Variants in DNAJC14 observed in about 807,000 individuals in gnomAD.
DNAJC14 encodes the protein DnaJ heat shock protein family (Hsp40) member C14, also known as dnaJ homolog subfamily C member 14.
In DNAJC14, 12 loss-of-function variants were observed where a neutral mutation model predicts 68.8. That is an observed-to-expected ratio of 0.17 (90% CI 0.11 to 0.28). The LOEUF is 0.28. Among genes scored for constraint, DNAJC14 ranks in the 10% least tolerant of loss-of-function variants. DNAJC14 has a pLI of 1.00. For missense variants in DNAJC14, 764 were observed against 875.6 expected, an observed-to-expected ratio of 0.87 and a Z score of 1.61; for synonymous variants, 350 against 321.5, an observed-to-expected ratio of 1.09 and a Z score of -0.95.
chr12:55,829,567 T>G lies in DNAJC14; in HGVS notation c.-135A>C. The G allele has an allele frequency of 1.0e-6, 1 of 984,648 alleles. No individual in the cohort carries two copies. The allele number at this position is 984,648 out of a possible 1,614,324, so 61.0% of individuals were successfully genotyped here. A position where few individuals can be genotyped will look rare whatever the true frequency, so the allele number is the denominator to read the frequency against. On this transcript the variant is annotated 5_prime_UTR_variant, in exon 1 of 7. Transcript: ENST00000678005. ...GAGCTACGAGAGCCGCTCTCCCGGC[T>G]CCGCCTCCCGCTCACGCTCTGCTTC...
In DNAJC14 at chr12:55,828,205, T is replaced by C; in HGVS notation, c.454A>G (p.Asn152Asp). 6.2e-7 allele frequency: 1 copy of C among 1,611,344 alleles called. No homozygotes were observed. Among genetic ancestry groups the C allele is most frequent in the East Asian group, 2.2e-5 (1 of 44,850 alleles). The change falls in exon 2 of 7, where the codon AAC (asparagine) becomes GAC (aspartate). Residue 152 changes from asparagine (N) to aspartate (D), a missense_variant. Physicochemically the swap from Asn to Asp is conservative, Grantham distance 23. Around this residue, in one of 4 missense-constraint regions of DNAJC14, gnomAD observed 514 missense variants for 521.7 expected, o/e 0.99. Coordinates refer to ENST00000678005, the MANE Select transcript of DNAJC14 (RefSeq NM_032364.6). ...YSEGGNGSSS[N>D]FCHHCTSPAL... is the part of the protein sequence containing the mutation. ...GGAGAGGTACAGTGGTGGCAAAAGT[T>C]GCTAGAAGAACCATTTCCTCCCTCA...
rs532026248 is a variant in DNAJC14, at chr12:55,827,342, C to T, written c.1317G>A (p.Glu439=). The T allele has an allele frequency of 1.9e-6, 3 of 1,613,184 alleles. No homozygotes were observed. Among genetic ancestry groups the T allele is most frequent in the African/African-American group, 2.7e-5 (2 of 74,960 alleles). The change falls in exon 2 of 7, where the codon GAG becomes GAA. Residue 439 remains glutamate, a synonymous_variant. Coordinates refer to ENST00000678005, the MANE Select transcript of DNAJC14 (RefSeq NM_032364.6). ...GTACATGGAAAGGGTTTAGCTCATC[C>T]TCAGGAACCCCAGCCATGGTCAAGA... is the stretch of plus-strand genomic sequence containing the variant. The part of the protein sequence containing the change: ...ARLLTMAGVP[E]DELNPFHVLG...
Position 55,828,391 on chromosome 12 carries a change from G to C in DNAJC14, c.268C>G (p.Pro90Ala). 6.2e-7 allele frequency: 1 copy of C among 1,614,042 alleles called. No individual in the cohort carries two copies. Among genetic ancestry groups the C allele is most frequent in the Non-Finnish European group, 8.5e-7 (1 of 1,179,996 alleles). Residue 90 changes from proline to alanine, a missense_variant, in exon 2 of 7, where the codon CCT becomes GCT. Physicochemically the swap from Pro to Ala is conservative, Grantham distance 27. Around this residue, in one of 4 missense-constraint regions of DNAJC14, gnomAD observed 514 missense variants for 521.7 expected, o/e 0.99. Transcript: ENST00000678005. Reference protein sequence around the residue: ...GPGPPRDAEDPDQSETSSEEE... With the variant: ...GPGPPRDAEDADQSETSSEEE... ...TCTGAAGACGTCTCACTCTGATCAG[G>C]GTCCTCTGCATCTCTAGGTGGTCCT... is the stretch of plus-strand genomic sequence containing the variant.
intron 1 of DNAJC14, chr12:55,829,020 G>A: frequency 1.2e-6 from 1 of 855,080 alleles, no homozygotes; most frequent in Non-Finnish European, 1.4e-6. Flanking sequence ...AGGAAAATGG[G>A]AAAGACCGCC....
rs371856651 is a variant in DNAJC14 at position 55,823,160 on chromosome 12, C to T, written c.1544G>A (p.Arg515Gln). Residue 515 changes from arginine (R) to glutamine (Q), a missense_variant, in exon 4 of 7, where the codon CGG becomes CAG. By Grantham distance (43) the Arg-to-Gln change is conservative (BLOSUM62 1). Around this residue, in one of 4 missense-constraint regions of DNAJC14, gnomAD observed 110 missense variants for 162.7 expected, o/e 0.68. Coordinates refer to ENST00000678005, the MANE Select transcript of DNAJC14 (RefSeq NM_032364.6). ...MKRMAENELS[R>Q]SVNEFLSKLQ... ...CTTGGACAGAAACTCATTTACTGAC[C>T]GGCTCAGCTCATTCTCTGCCATTCG... 1.2e-5 allele frequency: 19 copies of T among 1,613,974 alleles called. No homozygotes were observed. Among genetic ancestry groups the T allele is most frequent in the African/African-American group, 8.0e-5 (6 of 74,900 alleles).
Position 55,822,180 on chromosome 12 carries a change from G to T in DNAJC14, c.1906C>A (p.Pro636Thr). Residue 636 changes from proline (P) to threonine (T), a missense_variant, in exon 7 of 7, where the codon CCA (proline) becomes ACA (threonine). Transcript: ENST00000678005. ...PGTRGRQRAT[P>T]DAPPADLQDF... is the part of the protein sequence containing the mutation. ...TGAAGATCAGCAGGAGGGGCATCTG[G>T]GGTGGCTCTGAGGTAAAACAGAAGA... is the stretch of plus-strand genomic sequence containing the variant. 1 of 1,593,058 alleles carries T rather than the reference G, an allele frequency of 6.3e-7. No individual in the cohort carries two copies. The highest frequency in any genetic ancestry group is 8.5e-7 in the Non-Finnish European group (1 of 1,169,892).
chr12:55,822,592 C>G lies in DNAJC14; in HGVS notation c.1775G>C (p.Gly592Ala), dbSNP rs1322995492. Reference sequence around the variant, plus strand: ...AGTACCTGTGATGTCATACACCTTTCCATCCATCAGTGCAAAGTAGGTGAT... The same window carrying G: ...AGTACCTGTGATGTCATACACCTTTGCATCCATCAGTGCAAAGTAGGTGAT... Reference protein sequence around the residue: ...LKITYFALMDGKVYDITEWAG... With the variant: ...LKITYFALMDAKVYDITEWAG... Residue 592 changes from glycine to alanine, a missense_variant, in exon 5 of 7, where the codon GGA becomes GCA. By Grantham distance (60) the Gly-to-Ala change is moderately conservative. Coordinates refer to ENST00000678005, the MANE Select transcript of DNAJC14 (RefSeq NM_032364.6). 6.2e-7 allele frequency: 1 copy of G among 1,614,226 alleles called. No homozygotes were observed. The highest frequency in any genetic ancestry group is 1.1e-5 in the South Asian group (1 of 91,084).
upstream of DNAJC14, chr12:55,829,683 T>C: frequency 1.1e-6 from 1 of 911,670 alleles, no homozygotes; most frequent in Non-Finnish European, 1.3e-6. Context: ...GAAATAGCGG[T>C]TGGCTGAGAG....
chr12:55,822,887 G>A (rs1316050488), intron 4 of DNAJC14, among the ~76,000 whole-genome samples, 155 bp from the exon 5 acceptor site: 2 of 152,118 alleles, frequency 1.3e-5, no homozygotes, highest in African/African-American at 4.8e-5. Context: ...TAAAGCTAAT[G>A]TTTCTTAGTG....
intron 6 of DNAJC14, 91 bp downstream of exon 6, chr12:55,822,282 C>A: frequency 6.5e-7 from 1 of 1,535,020 alleles, no homozygotes; most frequent in Non-Finnish European, 8.8e-7. Context: ...TCCTAGAAAA[C>A]AAGGCCCCTG....
Position 55,827,729 on chromosome 12 carries a change from G to C in DNAJC14, c.930C>G (p.Ser310Arg). The C allele has an allele frequency of 6.2e-7, 1 of 1,614,108 alleles. No individual in the cohort carries two copies. Among genetic ancestry groups the C allele is most frequent in the Non-Finnish European group, 8.5e-7 (1 of 1,180,006 alleles). Residue 310 changes from serine to arginine, a missense_variant, in exon 2 of 7, where the codon AGC becomes AGG. By Grantham distance (110) the Ser-to-Arg change is moderately radical (BLOSUM62 -1). Coordinates refer to ENST00000678005, the MANE Select transcript of DNAJC14 (RefSeq NM_032364.6). ...GWAQVMFQFL[S>R]QGFYCGVGLF... ...GTCCTACTCCACAGTAAAACCCCTG[G>C]CTTAGAAACTGAAACATGACCTGGG... is the stretch of plus-strand genomic sequence containing the variant.
Position 55,828,248 on chromosome 12 carries a change from A to C in DNAJC14, c.411T>G (p.Ile137Met), listed in dbSNP as rs1880858698. 1 of 1,607,014 alleles carries C rather than the reference A, an allele frequency of 6.2e-7. No homozygotes were observed. The highest frequency in any genetic ancestry group is 8.5e-7 in the Non-Finnish European group (1 of 1,176,692). ...SACNCQGTPGIPEGPYSEGGN... is the reference protein window; with the variant it reads ...SACNCQGTPGMPEGPYSEGGN... ...CTCCCTCAGAGTAAGGCCCTTCTGG[A>C]ATTCCAGGTGTTCCCTGGCAGTTGC... Residue 137 changes from isoleucine to methionine, a missense_variant, in exon 2 of 7, where the codon ATT (isoleucine) becomes ATG (methionine). Physicochemically the swap from Ile to Met is conservative, Grantham distance 10. Coordinates refer to ENST00000678005, the MANE Select transcript of DNAJC14 (RefSeq NM_032364.6).
rs1880693890 is a variant in DNAJC14 at position 55,822,455 on chromosome 12, C to T, written c.1816G>A (p.Val606Ile). 6.2e-6 allele frequency: 10 copies of T among 1,614,012 alleles called. No homozygotes were observed. Among genetic ancestry groups the T allele is most frequent in the Non-Finnish European group, 7.6e-6 (9 of 1,180,030 alleles). Residue 606 changes from valine (V) to isoleucine (I), a missense_variant, in exon 6 of 7, where the codon GTA becomes ATA. Val to Ile is a conservative substitution (Grantham distance 29, BLOSUM62 3). Around this residue, in one of 4 missense-constraint regions of DNAJC14, gnomAD observed 134 missense variants for 162.3 expected, o/e 0.83. Transcript: ENST00000678005. The part of the protein sequence containing the change: ...DITEWAGCQR[V>I]GISPDTHRVP... The stretch of plus-strand genomic sequence containing the variant: ...CTGTGGGTATCTGGGGAGATACCTA[C>T]ACGCTGGCATCCAGCCCACTCTATA...
Position 55,828,003 on chromosome 12 carries a change from C to G in DNAJC14, c.656G>C (p.Gly219Ala). ...TCGTTTCCGACCCAGCCGATGTCGA[C>G]CAGGGGACCTGGGATCCCTACGTCC... The part of the protein sequence containing the change: ...EGGRRDPRSP[G>A]RHRLGRKRSQ... Residue 219 changes from glycine to alanine, a missense_variant, in exon 2 of 7, where the codon GGT (glycine) becomes GCT (alanine). Gly to Ala is a moderately conservative substitution (Grantham distance 60). Coordinates refer to ENST00000678005, the MANE Select transcript of DNAJC14 (RefSeq NM_032364.6). 6.2e-7 allele frequency: 1 copy of G among 1,613,504 alleles called. No homozygotes were observed. Among genetic ancestry groups the G allele is most frequent in the Middle Eastern group, 1.6e-4 (1 of 6,062 alleles).
chr12:55,829,537 A>T lies in DNAJC14; in HGVS notation c.-105T>A. The T allele has an allele frequency of 1.0e-6, 1 of 983,976 alleles. No homozygotes were observed. Among genetic ancestry groups the T allele is most frequent in the Non-Finnish European group, 1.2e-6 (1 of 829,782 alleles). 61.0% of individuals were successfully genotyped at this position (983,976 alleles called of 1,614,324 possible). A position where few individuals can be genotyped will look rare whatever the true frequency, so the allele number is the denominator to read the frequency against. On this transcript the variant is annotated 5_prime_UTR_variant, in exon 1 of 7. Transcript: ENST00000678005. Reference sequence around the variant, plus strand: ...CCCTCGAGCCGCCCGGCCTGGGGCCAGGGTGAGCTACGAGAGCCGCTCTCC... The same window carrying T: ...CCCTCGAGCCGCCCGGCCTGGGGCCTGGGTGAGCTACGAGAGCCGCTCTCC...
Position 55,823,165 on chromosome 12 carries a change from C to T in DNAJC14, c.1539G>A (p.Leu513=). ...YEMKRMAENE[L]SRSVNEFLSK... Reference sequence around the variant, plus strand: ...ACAGAAACTCATTTACTGACCGGCTCAGCTCATTCTCTGCCATTCGTTTCC... The same window carrying T: ...ACAGAAACTCATTTACTGACCGGCTTAGCTCATTCTCTGCCATTCGTTTCC... The change falls in exon 4 of 7, where the codon CTG becomes CTA. Residue 513 remains leucine, a synonymous_variant. Transcript: ENST00000678005. 6.2e-7 allele frequency: 1 copy of T among 1,614,158 alleles called. No homozygotes were observed. Among genetic ancestry groups the T allele is most frequent in the Non-Finnish European group, 8.5e-7 (1 of 1,180,034 alleles).
chr12:55,824,725 G>C (rs556826655), intron 2 of DNAJC14, among the ~76,000 whole-genome samples: 1 of 152,232 alleles, frequency 6.6e-6, no homozygotes, highest in South Asian at 2.1e-4. Flanking sequence ...GAGAATTTTT[G>C]TTAAGAATAA....
Position 55,828,312 on chromosome 12 carries a change from T to C in DNAJC14, c.347A>G (p.Gln116Arg), listed in dbSNP as rs546720248. The change falls in exon 2 of 7, where the codon CAG becomes CGG. Residue 116 changes from glutamine (Q) to arginine (R), a missense_variant. Coordinates refer to ENST00000678005, the MANE Select transcript of DNAJC14 (RefSeq NM_032364.6). The stretch of plus-strand genomic sequence containing the variant: ...GGAAAGAAAAGAGTTCCCATCCTTC[T>C]GGTTCCCAGTCTCGTTTTCTTTTGA... ...ELSKENETGNQKDGNSFLSIP... is the reference protein window; with the variant it reads ...ELSKENETGNRKDGNSFLSIP... The C allele has an allele frequency of 1.2e-5, 19 of 1,612,370 alleles. No homozygotes were observed. The South Asian group carries it at 1.8e-4, about 15-fold the overall frequency.
chr12:55,826,217 T>C (rs1196616972), intron 2 of DNAJC14, among the ~76,000 whole-genome samples: 1 of 150,852 alleles, frequency 6.6e-6, no homozygotes, highest in African/African-American at 2.4e-5. Flanking sequence ...AGAATATATC[T>C]CGTGACAAAC....
Sources: gnomAD v4.1 joint callset for allele counts (sites outside exome capture counted in the v4.1 genomes callset) on GRCh38, gnomAD v4.1.1 for gene constraint, gnomAD v4.1.1 regional missense constraint, MANE v1.5 for transcripts, NCBI Gene and HGNC (gene_info 2026-07-23, HGNC 2026-07-21) for gene names.